The following LIN54 variants were observed in gnomAD, a reference collection of about 807,000 sequenced individuals.
LIN54 encodes the protein lin-54 DREAM MuvB core complex component, also known as protein lin-54 homolog.
In LIN54, 9 loss-of-function variants were observed where a neutral mutation model predicts 78.7. The ratio of observed to expected loss-of-function variants is 0.11; its 90% CI spans 0.07 to 0.20. The LOEUF is 0.20. LIN54 is among the 10% of genes least tolerant of loss of function. The pLI is 1.00. For synonymous variants in LIN54, 269 were observed against 318.4 expected (o/e 0.84, Z 1.65); for missense variants, 573 against 889.9 (o/e 0.64, Z 4.53).
Position 82,927,800 on chromosome 4 carries a change from T to A in LIN54, c.*302A>T. The A allele has an allele frequency of 3.6e-6, 1 of 275,526 alleles. No homozygotes were observed. Among genetic ancestry groups the A allele is most frequent in the Non-Finnish European group, 6.7e-6 (1 of 149,690 alleles). 17.1% of individuals were successfully genotyped at this position (275,526 alleles called of 1,614,324 possible). A position where few individuals can be genotyped will look rare whatever the true frequency, so the allele number is the denominator to read the frequency against. On this transcript the variant is annotated 3_prime_UTR_variant, in exon 13 of 13. Coordinates refer to ENST00000340417, the MANE Select transcript of LIN54 (RefSeq NM_194282.4). ...ATACATTATAAATTATATGAATTTA[T>A]AAACATTTTTTGTCAAAGGTATCAG... is the stretch of plus-strand genomic sequence containing the variant.
chr4:83,012,338 G>A (rs1012265541), upstream of LIN54, among the ~76,000 whole-genome samples: 2 of 152,176 alleles, frequency 1.3e-5, no homozygotes, highest in Non-Finnish European at 2.9e-5. Flanking sequence ...CCTGTACAAA[G>A]GGGCATAGGA....
At chr4:82,991,350 C>T (rs1296583135) in intron 1 of LIN54, among the ~76,000 whole-genome samples, 4 of 151,974 alleles carry the variant, frequency 2.6e-5, no homozygotes, top group Non-Finnish European at 4.4e-5. Flanking sequence ...TGAGTATGTA[C>T]AAATAAAACT....
intron 11 of LIN54, among the ~76,000 whole-genome samples, chr4:82,931,616 G>A (rs17352225): frequency 0.43 from 65,320 of 151,952 alleles, 16,898 homozygotes; most frequent in Admixed American, 0.58. Flanking sequence ...TCTGAAGAGG[G>A]AGTTCGGGAG....
At chr4:83,011,243 A>G (rs1729839522), upstream of LIN54, among the ~76,000 whole-genome samples, 1 of 152,220 alleles carries the variant, frequency 6.6e-6, no homozygotes, top group Non-Finnish European at 1.5e-5. Context: ...CCCCACCCGC[A>G]GAACTACTTT....
At chr4:83,000,300 G>A (rs1270840020) in intron 1 of LIN54, among the ~76,000 whole-genome samples, 2 of 152,182 alleles carry the variant, frequency 1.3e-5, no homozygotes, top group Non-Finnish European at 2.9e-5. Context: ...TTTAAGGCAT[G>A]AAGGGATAGG....
At chr4:82,993,218 C>CTTTTTTTT (rs200555092) in intron 1 of LIN54, among the ~76,000 whole-genome samples, 1 of 128,286 alleles carries the variant, frequency 7.8e-6, no homozygotes, top group East Asian at 2.3e-4. Context: ...TTTCTAGAAT[C>CTTTTTTTT]TTTTTTTTTT....
intron 4 of LIN54, among the ~76,000 whole-genome samples, chr4:82,966,943 T>C (rs187475541): frequency 6.2e-4 from 94 of 152,126 alleles, no homozygotes; most frequent in South Asian, 1.5e-3. Flanking sequence ...ATCAACTTAT[T>C]AAGATAAATA....
At chr4:82,978,002 A>G (rs1578593643) in intron 3 of LIN54, among the ~76,000 whole-genome samples, 1 of 152,214 alleles carries the variant, frequency 6.6e-6, no homozygotes, top group Non-Finnish European at 1.5e-5. Context: ...CAAGAGAGCA[A>G]TAGGATGGGT....
At chr4:82,972,458 A>G (rs1256236758) in intron 3 of LIN54, among the ~76,000 whole-genome samples, 1 of 152,154 alleles carries the variant, frequency 6.6e-6, no homozygotes, top group African/African-American at 2.4e-5. Context: ...AAACCAAACG[A>G]ATCTACATCA....
At chr4:83,010,868 G>A, upstream of LIN54, 2 of 1,024,274 alleles carry the variant, frequency 2.0e-6, no homozygotes, top group Non-Finnish European at 2.3e-6. Flanking sequence ...GCCCCACCCG[G>A]GAGGCGCACA....
At chr4:82,930,060 G>A (rs1253641186) in intron 12 of LIN54, among the ~76,000 whole-genome samples, 1 of 151,950 alleles carries the variant, frequency 6.6e-6, no homozygotes, top group Non-Finnish European at 1.5e-5. Flanking sequence ...ACCATGCCCA[G>A]CTAATTTTTT....
chr4:82,931,385 C>T (rs1721940713), intron 11 of LIN54, among the ~76,000 whole-genome samples: 1 of 152,154 alleles, frequency 6.6e-6, no homozygotes, highest in Non-Finnish European at 1.5e-5. Context: ...AGTTTTCCCC[C>T]ACTATGAATA....
intron 4 of LIN54, among the ~76,000 whole-genome samples, chr4:82,948,912 T>A (rs540891104): frequency 2.6e-5 from 4 of 152,204 alleles, no homozygotes; most frequent in Non-Finnish European, 5.9e-5. Flanking sequence ...GTTTCTTTAC[T>A]CATTCATCTG....
intron 5 of LIN54, among the ~76,000 whole-genome samples, chr4:82,943,378 T>C (rs1275869693): frequency 6.6e-6 from 1 of 152,222 alleles, no homozygotes. Context: ...GGTGGAGCCT[T>C]TGAACATTAG....
At position 82,946,498 on chromosome 4, in the gene LIN54, G is replaced by A. The variant is rs368061500; in HGVS notation, c.952-24C>T. The stretch of plus-strand genomic sequence containing the variant: ...GCCTATTAAACAATACAACATGGCT[G>A]TCATTAATCTGGGATGTAACTTTCC... On this transcript the variant is annotated intron_variant, in intron 4 of 12. Transcript: ENST00000340417. 5.9e-6 allele frequency: 9 copies of A among 1,537,842 alleles called. No individual in the cohort carries two copies. In the African/African-American group the frequency reaches 1.1e-4, roughly 19 times the overall value.
chr4:82,949,028 C>G (rs910922948), intron 4 of LIN54, among the ~76,000 whole-genome samples: 3 of 152,110 alleles, frequency 2.0e-5, no homozygotes, highest in African/African-American at 7.2e-5. Flanking sequence ...TGAACATATT[C>G]CCAGAAGAGG....
rs1486453808 is a variant in LIN54, at chr4:82,927,494, G to GT, written c.*607dup. ...TTTACTGTCCTTTAATATTTTATAT[G>GT]TTTTTTTAAATAACTTTAAAAAATT... On this transcript the variant is annotated 3_prime_UTR_variant, in exon 13 of 13. Coordinates refer to ENST00000340417, the MANE Select transcript of LIN54 (RefSeq NM_194282.4). The GT allele has an allele frequency of 2.0e-5, 3 of 152,114 alleles. No individual in the cohort carries two copies. Among genetic ancestry groups the GT allele is most frequent in the East Asian group, 3.9e-4 (2 of 5,184 alleles). 9.4% of individuals were successfully genotyped at this position (152,114 alleles called of 1,614,324 possible). A position where few individuals can be genotyped will look rare whatever the true frequency, so the allele number is the denominator to read the frequency against.
chr4:82,929,940 C>T (rs1721811861), intron 12 of LIN54, among the ~76,000 whole-genome samples: 1 of 152,098 alleles, frequency 6.6e-6, no homozygotes, highest in South Asian at 2.1e-4. Flanking sequence ...TCTTGTTGCC[C>T]AAGCTGGAGT....
Position 82,966,628 on chromosome 4 carries a change from GT to G in LIN54, c.951+3698del, listed in dbSNP as rs534614386. ...TGAATCTTTAGGTTTTTTTGGTTTC[GT>G]TTACTTTTTGAGACAGTCTCATTCT... On this transcript the variant is annotated intron_variant, in intron 4 of 12. Transcript: ENST00000340417. Among the ~76,000 whole-genome samples the G allele has an allele frequency of 1.2e-3, 181 of 151,900 alleles. 1 individual carries two copies. The highest frequency in any genetic ancestry group is 4.3e-3 in the African/African-American group (177 of 41,466).
Sources: allele counts gnomAD v4.1 joint callset (sites outside exome capture counted in the v4.1 genomes callset), GRCh38; gene constraint gnomAD v4.1.1; transcripts MANE v1.5; gene names NCBI Gene and HGNC (gene_info 2026-07-23, HGNC 2026-07-21).